FGF12: variants seen among roughly 807,000 people sequenced by gnomAD.
FGF12 encodes the protein fibroblast growth factor 12B.
A neutral mutation model predicts 23.6 loss-of-function variants in FGF12; 14 were observed. The observed-to-expected ratio is 0.59, with a 90% CI of 0.39 to 0.93. FGF12 has a LOEUF of 0.93. Among genes scored for constraint, FGF12 ranks in the 40% least tolerant of loss-of-function variants. The probability of loss-of-function intolerance (pLI) is 0.00; values close to 1 mark genes in which losing one functional copy is unlikely to be tolerated. For synonymous variants in FGF12, 62 were observed against 77.3 expected, an observed-to-expected ratio of 0.80 and a Z score of 1.04; for missense variants, 175 against 217.8, an observed-to-expected ratio of 0.80 and a Z score of 1.24.
At chr3:192,226,064 A>G (rs182284346) in intron 4 of FGF12, among the ~76,000 whole-genome samples, 1 of 152,102 alleles carries the variant, frequency 6.6e-6, no homozygotes, top group African/African-American at 2.4e-5. Context: ...ATATGTTAAA[A>G]CACACTGAAG....
chr3:192,708,029 G>A (rs756819381), intron 2 of FGF12, among the ~76,000 whole-genome samples: 1 of 152,112 alleles, frequency 6.6e-6, no homozygotes, highest in African/African-American at 2.4e-5. Flanking sequence ...GCGCGATCTC[G>A]GCTCACTGCA....
intron 4 of FGF12, among the ~76,000 whole-genome samples, chr3:192,234,895 T>A (rs1719205920): frequency 6.6e-6 from 1 of 152,212 alleles, no homozygotes; most frequent in African/African-American, 2.4e-5. Context: ...TAAAGCCTGC[T>A]TTATTGTGGT....
intron 4 of FGF12, among the ~76,000 whole-genome samples, chr3:192,260,786 G>C (rs985909990): frequency 1.1e-4 from 16 of 152,124 alleles, no homozygotes; most frequent in African/African-American, 3.6e-4. Flanking sequence ...ACAGGGGCCT[G>C]ACTCATTTCT....
At chr3:192,656,320 CAG>C (rs568490830) in intron 2 of FGF12, among the ~76,000 whole-genome samples, 8,500 of 52,462 alleles carry the variant, frequency 0.16, 266 homozygotes, top group Non-Finnish European at 0.21. Flanking sequence ...CACACACACA[CAG>C]AGAGAGAATT....
intron 2 of FGF12, among the ~76,000 whole-genome samples, chr3:192,569,035 C>T (rs1018790266): frequency 3.9e-5 from 6 of 152,074 alleles, no homozygotes; most frequent in Admixed American, 1.3e-4. Context: ...ACAGTACATG[C>T]GGAATAATCA....
At chr3:192,269,089 A>G (rs1488482579) in intron 4 of FGF12, among the ~76,000 whole-genome samples, 2 of 151,842 alleles carry the variant, frequency 1.3e-5, no homozygotes, top group Admixed American at 6.6e-5. Flanking sequence ...TAATTTTTGT[A>G]TTTTTAGTAG....
At chr3:192,436,277 C>A (rs1466780965) in intron 2 of FGF12, among the ~76,000 whole-genome samples, 1 of 152,206 alleles carries the variant, frequency 6.6e-6, no homozygotes, top group Non-Finnish European at 1.5e-5. Context: ...GAACATTCAC[C>A]TTCCTTTGCG....
chr3:192,548,220 G>A (rs566761232), intron 2 of FGF12, among the ~76,000 whole-genome samples: 3 of 152,228 alleles, frequency 2.0e-5, no homozygotes, highest in Non-Finnish European at 2.9e-5. Flanking sequence ...CTTTAGAGCT[G>A]TTACCAGTTG....
chr3:192,275,527 G>A (rs1309630200), intron 4 of FGF12, among the ~76,000 whole-genome samples: 1 of 152,108 alleles, frequency 6.6e-6, no homozygotes, highest in Non-Finnish European at 1.5e-5. Context: ...ACTAAAATCT[G>A]TTGTAATTTT....
chr3:192,457,607 TA>T (rs1722719492), intron 2 of FGF12, among the ~76,000 whole-genome samples: 1 of 152,210 alleles, frequency 6.6e-6, no homozygotes, highest in African/African-American at 2.4e-5. Flanking sequence ...AAGAAATTTT[TA>T]AACAGCAAAA....
intron 2 of FGF12, among the ~76,000 whole-genome samples, chr3:192,470,065 G>A (rs1276852969): frequency 6.6e-6 from 1 of 152,130 alleles, no homozygotes; most frequent in Non-Finnish European, 1.5e-5. Flanking sequence ...GTGATGCGCT[G>A]GAGAGTGTAA....
chr3:192,646,576 T>G (rs1380374447), intron 2 of FGF12, among the ~76,000 whole-genome samples: 1 of 152,184 alleles, frequency 6.6e-6, no homozygotes, highest in Non-Finnish European at 1.5e-5. Context: ...AGAATGACCC[T>G]TGAAAGCACC....
At chr3:192,329,094 A>T (rs1372271998) in intron 4 of FGF12, among the ~76,000 whole-genome samples, 3 of 152,178 alleles carry the variant, frequency 2.0e-5, no homozygotes, top group African/African-American at 7.2e-5. Flanking sequence ...TTTACCAGGG[A>T]ATGTGTTTAA....
At chr3:192,378,756 A>G (rs1719684214) in intron 2 of FGF12, among the ~76,000 whole-genome samples, 1 of 151,908 alleles carries the variant, frequency 6.6e-6, no homozygotes, top group African/African-American at 2.4e-5. Context: ...GGCTATATCT[A>G]TATTTTAACT....
At chr3:192,441,854 T>C (rs1722209968) in intron 2 of FGF12, among the ~76,000 whole-genome samples, 1 of 152,224 alleles carries the variant, frequency 6.6e-6, no homozygotes, top group Non-Finnish European at 1.5e-5. Flanking sequence ...TACAGAATTT[T>C]CCTGTTTGTA....
intron 2 of FGF12, among the ~76,000 whole-genome samples, chr3:192,663,134 A>G (rs1716732620): frequency 6.6e-6 from 1 of 152,228 alleles, no homozygotes; most frequent in Non-Finnish European, 1.5e-5. Context: ...AAAAGTAACA[A>G]TCAAGTAAGG....
intron 3 of FGF12, among the ~76,000 whole-genome samples, chr3:192,353,601 C>A (rs1285422836): frequency 6.6e-6 from 1 of 152,098 alleles, no homozygotes; most frequent in Non-Finnish European, 1.5e-5. Context: ...GATCACCTGA[C>A]CTTGTGATCC....
At chr3:192,694,212 G>A (rs2108723697) in intron 2 of FGF12, among the ~76,000 whole-genome samples, 1 of 152,252 alleles carries the variant, frequency 6.6e-6, no homozygotes, top group Non-Finnish European at 1.5e-5. Flanking sequence ...ACACCTGTTA[G>A]GATGGTTATT....
Position 192,538,191 on chromosome 3 carries a change from G to A in FGF12, c.14-177653C>T, listed in dbSNP as rs1018174950. ...TCAAACTCCTGACCTCAGGTGATCC[G>A]CCCGCCTCGGCCTCCCAAAGCGCTG... On this transcript the variant is annotated intron_variant, in intron 2 of 5. Coordinates refer to ENST00000445105, the MANE Select transcript of FGF12 (RefSeq NM_004113.6). 4.6e-5 allele frequency among the ~76,000 whole-genome samples: 7 copies of A among 151,884 alleles called. No homozygotes were observed. In the South Asian group the frequency reaches 8.3e-4, roughly 18 times the overall value.
Sources: allele counts gnomAD v4.1 joint callset (sites outside exome capture counted in the v4.1 genomes callset), GRCh38; gene constraint gnomAD v4.1.1; transcripts MANE v1.5; gene names NCBI Gene and HGNC (gene_info 2026-07-23, HGNC 2026-07-21).